The following CLASRP variants were observed in gnomAD, a reference collection of about 807,000 sequenced individuals.
CLASRP encodes the protein CLK4 associating serine/arginine rich protein, also known as CLK4-associating serine/arginine rich protein.
A neutral mutation model predicts 99.9 loss-of-function variants in CLASRP; 52 were observed. That is an observed-to-expected ratio of 0.52 (90% CI 0.42 to 0.66). The LOEUF (loss-of-function observed/expected upper bound fraction) is 0.66. Among genes scored for constraint, CLASRP ranks in the 30% least tolerant of loss-of-function variants. CLASRP has a pLI of 0.00. For synonymous variants in CLASRP, 379 were observed against 373.0 expected (o/e 1.02, Z -0.18); for missense variants, 848 against 999.2 (o/e 0.85, Z 2.04).
At chr19:45,068,504 G>C in intron 16 of CLASRP, 24 bp downstream of exon 16, 2 of 1,566,866 alleles carry the variant, frequency 1.3e-6, no homozygotes. Context: ...TGTCCCTCCA[G>C]GGTTTCACAG....
In CLASRP at chr19:45,062,207, TG is replaced by T; in HGVS notation, c.905+14del. On this transcript the variant is annotated intron_variant, in intron 11 of 20. Coordinates refer to ENST00000221455, the MANE Select transcript of CLASRP (RefSeq NM_007056.3). ...GACCCCTATAAGCGGTAAGTTGCTC[TG>T]GAGGACCAGGGAATAGCAGACAGGG... is the stretch of plus-strand genomic sequence containing the variant. 1 of 1,458,858 alleles carries T rather than the reference TG, an allele frequency of 6.9e-7. No individual in the cohort carries two copies. The allele number at this position is 1,458,858 out of a possible 1,614,324, so 90.4% of individuals were successfully genotyped here.
At chr19:45,070,236 G>A (rs1967205741) in intron 19 of CLASRP, 132 bp downstream of exon 19, 2 of 696,354 alleles carry the variant, frequency 2.9e-6, no homozygotes, top group South Asian at 3.2e-5. Flanking sequence ...GGAGGCTGAG[G>A]TGGGTGGATC....
In CLASRP at chr19:45,052,452, C is replaced by T. The variant is rs532900124; in HGVS notation, c.197+284C>T. 1.7e-4 allele frequency among the ~76,000 whole-genome samples: 26 copies of T among 152,260 alleles called. No homozygotes were observed. The South Asian group carries it at 4.6e-3, about 27-fold the overall frequency. ...GAAGCAGAGAGTAGGTTGCCAGACCCGAGCTGGCTCAGGGTGCCTGGGGCC... is the reference window on the plus strand; with the variant it reads ...GAAGCAGAGAGTAGGTTGCCAGACCTGAGCTGGCTCAGGGTGCCTGGGGCC... On this transcript the variant is annotated intron_variant, in intron 3 of 20. Transcript: ENST00000221455.
rs771018001 is a variant in CLASRP, at chr19:45,064,330, G to C, written c.1122-13G>C. 6.6e-7 allele frequency: 1 copy of C among 1,520,402 alleles called. No individual in the cohort carries two copies. Among genetic ancestry groups the C allele is most frequent in the Admixed American group, 2.0e-5 (1 of 50,422 alleles). The allele number at this position is 1,520,402 out of a possible 1,614,324, so 94.2% of individuals were successfully genotyped here. On this transcript the variant is annotated splice_polypyrimidine_tract_variant and intron_variant, in intron 12 of 20. Transcript: ENST00000221455. ...AGGCCTGCGCTGACCGGCCCTCCGT[G>C]CCCCGCCTGCAGCCGCCGCTCCTCC...
At chr19:45,052,007 T>G in intron 2 of CLASRP, 64 bp from the exon 3 acceptor site, 9 of 1,230,050 alleles carry the variant, frequency 7.3e-6, no homozygotes, top group East Asian at 2.3e-5. Context: ...AGCTCGGTTG[T>G]GTGTGAGGGG....
intron 5 of CLASRP, among the ~76,000 whole-genome samples, chr19:45,055,764 C>G (rs1218948195): frequency 2.0e-5 from 3 of 152,034 alleles, no homozygotes; most frequent in African/African-American, 7.2e-5. Flanking sequence ...ACCTGGGAGG[C>G]GGAGGTTGCG....
chr19:45,069,950 G>A (rs750451631), intron 18 of CLASRP, 72 bp from the exon 19 acceptor site: 99 of 850,822 alleles, frequency 1.2e-4, no homozygotes, highest in Middle Eastern at 4.4e-4. Flanking sequence ...GTAGGGTGTT[G>A]GAAGCACCTG....
chr19:45,045,877 G>A (rs112481437), intron 2 of CLASRP, among the ~76,000 whole-genome samples: 2,657 of 152,284 alleles, frequency 0.017, 41 homozygotes, highest in Non-Finnish European at 0.027. Context: ...CAGGTGGAGG[G>A]ATGGTGCAGA....
At chr19:45,063,413 G>A (rs1236872582) in intron 11 of CLASRP, among the ~76,000 whole-genome samples, 2 of 75,742 alleles carry the variant, frequency 2.6e-5, no homozygotes, top group Non-Finnish European at 6.0e-5. Context: ...ACTTTTCTGT[G>A]TTTTGTACAG....
At position 45,052,892 on chromosome 19, in the gene CLASRP, T is replaced by C. The variant is rs1485101479; in HGVS notation, c.299T>C (p.Ile100Thr). 9 of 1,601,852 alleles carry C rather than the reference T, an allele frequency of 5.6e-6. No individual in the cohort carries two copies. Among genetic ancestry groups the C allele is most frequent in the East Asian group, 2.2e-5 (1 of 44,778 alleles). ...PDYTPPLLTTISPEQESDERK... is the reference protein window; with the variant it reads ...PDYTPPLLTTTSPEQESDERK... Reference sequence around the variant, plus strand: ...TACACCCCCCCTCTGCTCACCACCATGTAAGCCACCTCCCAGGGGGTTGCC... The same window carrying C: ...TACACCCCCCCTCTGCTCACCACCACGTAAGCCACCTCCCAGGGGGTTGCC... Residue 100 changes from isoleucine to threonine, a missense_variant and splice_region_variant, in exon 4 of 21, where the codon ATC becomes ACC. This residue lies in a region of CLASRP where 54 missense variants were observed against 38.7 expected (regional missense o/e 1.39). Coordinates refer to ENST00000221455, the MANE Select transcript of CLASRP (RefSeq NM_007056.3).
chr19:45,066,027 G>T (rs1967078994), intron 13 of CLASRP, among the ~76,000 whole-genome samples: 2 of 152,204 alleles, frequency 1.3e-5, no homozygotes, highest in Non-Finnish European at 2.9e-5. Flanking sequence ...TCCAGTCGGG[G>T]CGTTGACCGC....
intron 13 of CLASRP, among the ~76,000 whole-genome samples, 154 bp downstream of exon 13, chr19:45,064,784 G>A (rs1967045203): frequency 6.6e-6 from 1 of 152,254 alleles, no homozygotes; most frequent in Admixed American, 6.5e-5. Context: ...TCCGCAGGAA[G>A]CCCTTGGTTG....
At chr19:45,059,192 GC>G (rs1966885249) in intron 7 of CLASRP, 75 bp from the exon 8 acceptor site, 1 of 1,287,894 alleles carries the variant, frequency 7.8e-7, no homozygotes, top group Non-Finnish European at 1.1e-6. Context: ...CATCATCCCC[GC>G]CTCCTGGAGC....
At chr19:45,063,745 C>T (rs1460974985) in intron 11 of CLASRP, among the ~76,000 whole-genome samples, 3 of 152,046 alleles carry the variant, frequency 2.0e-5, no homozygotes, top group South Asian at 2.1e-4. Flanking sequence ...CCACCGCGCC[C>T]GGCCTGCTCA....
At chr19:45,045,067 G>A (rs1281500361) in intron 2 of CLASRP, among the ~76,000 whole-genome samples, 1 of 152,188 alleles carries the variant, frequency 6.6e-6, no homozygotes, top group Non-Finnish European at 1.5e-5. Flanking sequence ...CAGTTAGCTC[G>A]GGGACCTAAG....
In CLASRP at chr19:45,060,754, G is replaced by C; in HGVS notation, c.863+127G>C. ...AAAGGAGTCTTTCTAGTGGGGCGAT[G>C]CATGGCCATCGTGAAGGTTTAGAGG... is the stretch of plus-strand genomic sequence containing the variant. On this transcript the variant is annotated intron_variant, in intron 10 of 20. Coordinates refer to ENST00000221455, the MANE Select transcript of CLASRP (RefSeq NM_007056.3). The surrounding 1 kb of genome is among the most constrained non-coding windows in gnomAD (Gnocchi z 4.6). The C allele has an allele frequency of 1.4e-6, 1 of 735,254 alleles. No homozygotes were observed. Among genetic ancestry groups the C allele is most frequent in the South Asian group, 1.9e-5 (1 of 53,410 alleles). The allele number at this position is 735,254 out of a possible 1,614,324, so 45.5% of individuals were successfully genotyped here.
At position 45,070,866 on chromosome 19, in the gene CLASRP, G is replaced by A; in HGVS notation, c.*21G>A. ...ATTAGGCAGAAGAGTGGGGGGTGGGGAGGACAAGGGGGTGGGTAAGGGGCT... is the reference window on the plus strand; with the variant it reads ...ATTAGGCAGAAGAGTGGGGGGTGGGAAGGACAAGGGGGTGGGTAAGGGGCT... On this transcript the variant is annotated 3_prime_UTR_variant, in exon 21 of 21. Transcript: ENST00000221455. 1 of 1,195,790 alleles carries A rather than the reference G, an allele frequency of 8.4e-7. No individual in the cohort carries two copies. Among genetic ancestry groups the A allele is most frequent in the Non-Finnish European group, 1.2e-6 (1 of 820,864 alleles). The allele number at this position is 1,195,790 out of a possible 1,614,324, so 74.1% of individuals were successfully genotyped here.
chr19:45,040,263 C>G lies in CLASRP; in HGVS notation c.51C>G (p.Val17=), dbSNP rs757003701. Residue 17 remains valine, a synonymous_variant, in exon 2 of 21, where the codon GTC becomes GTG. Coordinates refer to ENST00000221455, the MANE Select transcript of CLASRP (RefSeq NM_007056.3). ...AGCGGAAGCTTCGAGGCATGATGGTCGACTACAAGAAGAGGGCGGAGCGGA... is the reference window on the plus strand; with the variant it reads ...AGCGGAAGCTTCGAGGCATGATGGTGGACTACAAGAAGAGGGCGGAGCGGA... ...KHERKLRGMM[V]DYKKRAERRR... is the part of the protein sequence containing the mutation. The G allele has an allele frequency of 3.1e-6, 5 of 1,612,176 alleles. No individual in the cohort carries two copies. In the South Asian group the frequency reaches 5.5e-5, roughly 18 times the overall value.
At chr19:45,048,435 A>G (rs963297867) in intron 2 of CLASRP, among the ~76,000 whole-genome samples, 2 of 151,470 alleles carry the variant, frequency 1.3e-5, no homozygotes, top group Non-Finnish European at 2.9e-5. Flanking sequence ...CTGAGGCAGG[A>G]GAATCGCTTG....
Sources: allele counts gnomAD v4.1 joint callset (sites outside exome capture counted in the v4.1 genomes callset), GRCh38; gene constraint gnomAD v4.1.1; regional missense constraint gnomAD v4.1.1; non-coding constraint Gnocchi (gnomAD v3.1); transcripts MANE v1.5; gene names NCBI Gene and HGNC (gene_info 2026-07-23, HGNC 2026-07-21).